The following SLCO3A1 variants were observed in gnomAD, a reference collection of about 807,000 sequenced individuals.
The protein encoded by SLCO3A1 is solute carrier organic anion transporter family member 3A1.
Under a neutral mutation model 63.1 loss-of-function variants are expected in SLCO3A1, and 27 were observed. The ratio of observed to expected loss-of-function variants is 0.43; its 90% confidence interval spans 0.32 to 0.59. SLCO3A1 has a LOEUF of 0.59. Among genes scored for constraint, SLCO3A1 ranks in the 20% least tolerant of loss-of-function variants. The pLI, the probability that SLCO3A1 is intolerant of heterozygous loss-of-function variation, is 0.09. For synonymous variants in SLCO3A1, 473 were observed against 409.9 expected, an observed-to-expected ratio of 1.15 and a Z score of -1.86; for missense variants, 773 against 945.8, an observed-to-expected ratio of 0.82 and a Z score of 2.40.
At position 91,984,048 on chromosome 15, in the gene SLCO3A1, A is replaced by G. The variant is rs564343576; in HGVS notation, c.646+67590A>G. On this transcript the variant is annotated intron_variant, in intron 2 of 9. Coordinates refer to ENST00000318445, the MANE Select transcript of SLCO3A1 (RefSeq NM_013272.4). ...AGCGCTGTACCTCTGACCCTCCCCA[A>G]CCAAACAAGGGTTCTGTTTATCCAG... Among the ~76,000 whole-genome samples the G allele has an allele frequency of 1.4e-4, 21 of 152,258 alleles. No individual in the cohort carries two copies. The South Asian group carries it at 2.5e-3, about 18-fold the overall frequency.
rs33938693 is a variant in SLCO3A1 at position 91,871,765 on chromosome 15, GTTTTTTTTTTT to G, written c.180+17687_180+17697del. ...GGTGTGCTCATTTTGTTTTTTTTTG[GTTTTTTTTTTT>G]TTTTTTTTTGGCTGATAAGTGTTTT... is the stretch of plus-strand genomic sequence containing the variant. On this transcript the variant is annotated intron_variant, in intron 1 of 9. Coordinates refer to ENST00000318445, the MANE Select transcript of SLCO3A1 (RefSeq NM_013272.4). Among the ~76,000 whole-genome samples the G allele has an allele frequency of 8.8e-5, 4 of 45,688 alleles. 1 individual carries two copies. The highest frequency in any genetic ancestry group is 9.1e-5 in the African/African-American group (1 of 10,986). 30.0% of individuals were successfully genotyped at this position (45,688 alleles called of 152,430 possible). A position where few individuals can be genotyped will look rare whatever the true frequency, so the allele number is the denominator to read the frequency against.
At chr15:92,106,034 T>C (rs1002197474) in intron 4 of SLCO3A1, among the ~76,000 whole-genome samples, 2 of 152,222 alleles carry the variant, frequency 1.3e-5, no homozygotes, top group African/African-American at 4.8e-5. Flanking sequence ...TTTCCACGAA[T>C]GTAAAACTGT....
At chr15:92,017,077 C>A (rs1024361573) in intron 2 of SLCO3A1, among the ~76,000 whole-genome samples, 1 of 151,972 alleles carries the variant, frequency 6.6e-6, no homozygotes, top group African/African-American at 2.4e-5. Flanking sequence ...AGGAGGACTC[C>A]AAGGTTAAGA....
intron 1 of SLCO3A1, among the ~76,000 whole-genome samples, chr15:91,873,539 C>CAT (rs199699590): frequency 5.1e-4 from 77 of 150,574 alleles, no homozygotes; most frequent in Admixed American, 1.6e-3. Context: ...CATACACACA[C>CAT]ACACACACAC....
intron 2 of SLCO3A1, among the ~76,000 whole-genome samples, chr15:92,024,037 G>A (rs1429888599): frequency 6.6e-6 from 1 of 152,124 alleles, no homozygotes; most frequent in African/African-American, 2.4e-5. Flanking sequence ...TCTGTCTTTT[G>A]TGCTTCCAGA....
At chr15:92,000,808 C>T (rs943100664) in intron 2 of SLCO3A1, among the ~76,000 whole-genome samples, 2 of 152,172 alleles carry the variant, frequency 1.3e-5, no homozygotes, top group Non-Finnish European at 2.9e-5. Context: ...TGCATGAGTG[C>T]TGGTACCTTG....
intron 8 of SLCO3A1, 52 bp downstream of exon 8, chr15:92,147,211 T>C (rs1410710824): frequency 6.5e-7 from 1 of 1,548,076 alleles, no homozygotes; most frequent in Non-Finnish European, 8.8e-7. Context: ...GGTGTTCATC[T>C]GCAGGCCTCC....
In SLCO3A1 at chr15:92,047,039, T is replaced by C. The variant is rs1282201926; in HGVS notation, c.647-47842T>C. Among the ~76,000 whole-genome samples the C allele has an allele frequency of 5.3e-4, 32 of 60,038 alleles. 1 individual carries two copies. Among genetic ancestry groups the C allele is most frequent in the African/African-American group, 2.0e-3 (27 of 13,766 alleles). 39.4% of individuals were successfully genotyped at this position (60,038 alleles called of 152,430 possible). A position where few individuals can be genotyped will look rare whatever the true frequency, so the allele number is the denominator to read the frequency against. ...TATATAATATATAAATATATATATA[T>C]AAATATATATATAATATATAAATAT... On this transcript the variant is annotated intron_variant, in intron 2 of 9. Coordinates refer to ENST00000318445, the MANE Select transcript of SLCO3A1 (RefSeq NM_013272.4).
chr15:91,971,055 G>A (rs963186523), intron 2 of SLCO3A1, among the ~76,000 whole-genome samples: 1 of 152,108 alleles, frequency 6.6e-6, no homozygotes. Context: ...TGCAGGGTGG[G>A]GAAACATTTG....
In SLCO3A1 at chr15:91,883,837, C is replaced by T. The variant is rs553067877; in HGVS notation, c.180+29749C>T. On this transcript the variant is annotated intron_variant, in intron 1 of 9. Coordinates refer to ENST00000318445, the MANE Select transcript of SLCO3A1 (RefSeq NM_013272.4). The surrounding 1 kb of genome is among the most constrained non-coding windows in gnomAD (Gnocchi z 4.8). ...CACTCACTTCTGTGGGTCCACACCC[C>T]GTGCCAGGCACCGTGTTACATGCAT... Among the ~76,000 whole-genome samples the T allele has an allele frequency of 2.0e-4, 30 of 152,316 alleles. No individual in the cohort carries two copies. Among genetic ancestry groups the T allele is most frequent in the South Asian group, 8.3e-4 (4 of 4,830 alleles).
intron 3 of SLCO3A1, among the ~76,000 whole-genome samples, chr15:92,096,031 T>C (rs1345624426): frequency 2.6e-5 from 4 of 152,140 alleles, no homozygotes; most frequent in African/African-American, 9.7e-5. Context: ...TATCATACTG[T>C]TTTTCGTATT....
intron 2 of SLCO3A1, among the ~76,000 whole-genome samples, chr15:92,031,902 G>A (rs955232360): frequency 3.3e-5 from 5 of 152,120 alleles, no homozygotes; most frequent in East Asian, 1.9e-4. Context: ...AAGACTGAGC[G>A]TTTCATCGTG....
intron 3 of SLCO3A1, among the ~76,000 whole-genome samples, chr15:92,101,559 A>G (rs1327717752): frequency 6.6e-6 from 1 of 152,124 alleles, no homozygotes; most frequent in East Asian, 1.9e-4. Flanking sequence ...GAGGCAAGAC[A>G]TTTCTCAGAC....
rs555933234 is a variant in SLCO3A1, at chr15:91,864,781, T to C, written c.180+10693T>C. ...CTGAGTGTTCTCCTGTTGAGGTCTG[T>C]CGCCTTGGTGCTGCTTTTTGCACCC... On this transcript the variant is annotated intron_variant, in intron 1 of 9. Transcript: ENST00000318445. Among the ~76,000 whole-genome samples, 26 of 152,336 alleles carry C rather than the reference T, an allele frequency of 1.7e-4. No homozygotes were observed. The South Asian group carries it at 3.7e-3, about 22-fold the overall frequency.
At chr15:91,936,377 A>ATT (rs1899414047) in intron 2 of SLCO3A1, among the ~76,000 whole-genome samples, 2 of 152,226 alleles carry the variant, frequency 1.3e-5, no homozygotes, top group South Asian at 4.1e-4. Flanking sequence ...AAATACAGTG[A>ATT]AAAACTCAGT....
intron 1 of SLCO3A1, among the ~76,000 whole-genome samples, chr15:91,874,636 G>A (rs751711068): frequency 5.9e-5 from 9 of 152,174 alleles, no homozygotes; most frequent in Middle Eastern, 3.2e-3. Flanking sequence ...TTATCCAGTC[G>A]TCTGTCGATG....
chr15:91,904,338 G>A (rs573714254), intron 1 of SLCO3A1, among the ~76,000 whole-genome samples: 5 of 152,218 alleles, frequency 3.3e-5, no homozygotes, highest in Non-Finnish European at 7.3e-5. Flanking sequence ...GCGAGACCAA[G>A]TAGTGATATG....
At position 91,872,965 on chromosome 15, in the gene SLCO3A1, A is replaced by G. The variant is rs1349633527; in HGVS notation, c.180+18877A>G. 1.3e-5 allele frequency among the ~76,000 whole-genome samples: 2 copies of G among 152,176 alleles called. No individual in the cohort carries two copies. The highest frequency in any genetic ancestry group is 2.9e-5 in the Non-Finnish European group (2 of 68,040). On this transcript the variant is annotated intron_variant, in intron 1 of 9. Coordinates refer to ENST00000318445, the MANE Select transcript of SLCO3A1 (RefSeq NM_013272.4). The surrounding 1 kb of genome is among the most constrained non-coding windows in gnomAD (Gnocchi z 4.1). The stretch of plus-strand genomic sequence containing the variant: ...GGGCCCCTGCTCCTGGCATGCAGCT[A>G]CCTGCGTGCTCAGCACTCACCTGCG...
At chr15:92,046,617 C>A (rs1193212622) in intron 2 of SLCO3A1, among the ~76,000 whole-genome samples, 1 of 152,070 alleles carries the variant, frequency 6.6e-6, no homozygotes, top group East Asian at 1.9e-4. Context: ...AAGTGCAGTA[C>A]AGGCTGCCTT....
Sources: allele counts gnomAD v4.1 joint callset (sites outside exome capture counted in the v4.1 genomes callset), GRCh38; gene constraint gnomAD v4.1.1; non-coding constraint Gnocchi (gnomAD v3.1); transcripts MANE v1.5; gene names NCBI Gene and HGNC (gene_info 2026-07-23, HGNC 2026-07-21).